The following EYS variants were observed in gnomAD, a reference collection of about 807,000 sequenced individuals.
EYS encodes protein eyes shut homolog.
Under a neutral mutation model 282.1 loss-of-function variants are expected in EYS, and 250 were observed. That is an observed-to-expected ratio of 0.89 (90% CI 0.80 to 0.98). The LOEUF (loss-of-function observed/expected upper bound fraction) is 0.98. Ranked by LOEUF, EYS falls within the 50% of genes least tolerant of loss-of-function variation. EYS has a pLI of 0.00. For missense variants in EYS, 4,016 were observed against 3,709.0 expected (o/e 1.08, Z -2.15); for synonymous variants, 1,355 against 1,282.9 (o/e 1.06, Z -1.20).
At chr6:65,130,211 C>T (rs77332505) in intron 12 of EYS, among the ~76,000 whole-genome samples, 4,610 of 151,754 alleles carry the variant, frequency 0.03, 95 homozygotes, top group Non-Finnish European at 0.045. Context: ...GAGTACTATG[C>T]TCAGTACCTT....
At chr6:64,338,291 C>A (rs1000962045) in intron 29 of EYS, among the ~76,000 whole-genome samples, 1 of 151,846 alleles carries the variant, frequency 6.6e-6, no homozygotes, top group African/African-American at 2.4e-5. Context: ...TTTCTGGATA[C>A]AAGATTAGTT....
At chr6:64,699,466 A>C (rs1052013693) in intron 22 of EYS, among the ~76,000 whole-genome samples, 8 of 152,080 alleles carry the variant, frequency 5.3e-5, no homozygotes, top group African/African-American at 1.7e-4. Context: ...ATGTACCCCC[A>C]AACTTAAAAT....
intron 2 of EYS, among the ~76,000 whole-genome samples, chr6:65,617,490 G>A (rs1435905310): frequency 6.6e-6 from 1 of 151,732 alleles, no homozygotes; most frequent in Non-Finnish European, 1.5e-5. Flanking sequence ...AATGAGACCT[G>A]AATTAAAATT....
intron 12 of EYS, among the ~76,000 whole-genome samples, chr6:65,126,647 A>G (rs1306868953): frequency 6.6e-6 from 1 of 152,204 alleles, no homozygotes; most frequent in East Asian, 1.9e-4. Flanking sequence ...GCACCCCTTC[A>G]GGATTCTTAT....
At chr6:65,060,344 T>G (rs1773532617) in intron 12 of EYS, among the ~76,000 whole-genome samples, 1 of 151,856 alleles carries the variant, frequency 6.6e-6, no homozygotes, top group Non-Finnish European at 1.5e-5. Context: ...TATACACCCA[T>G]AGGGAAACTT....
chr6:65,053,217 C>G (rs1773323376), intron 13 of EYS, among the ~76,000 whole-genome samples: 1 of 151,722 alleles, frequency 6.6e-6, no homozygotes, highest in Admixed American at 6.6e-5. Context: ...AACGTAACTT[C>G]TATAAATGGC....
chr6:64,453,982 A>T (rs1234615576), intron 26 of EYS, among the ~76,000 whole-genome samples: 1 of 152,156 alleles, frequency 6.6e-6, no homozygotes, highest in East Asian at 1.9e-4. Context: ...CGTTGTGCAC[A>T]TGTACCCTAA....
chr6:64,560,448 GA>G (rs1174290949), intron 26 of EYS, among the ~76,000 whole-genome samples: 1 of 151,938 alleles, frequency 6.6e-6, no homozygotes, highest in Non-Finnish European at 1.5e-5. Flanking sequence ...TGGCTTTAAA[GA>G]AAAGTTCCAT....
intron 31 of EYS, among the ~76,000 whole-genome samples, chr6:64,101,326 T>A (rs1356504039): frequency 6.6e-6 from 1 of 152,080 alleles, no homozygotes; most frequent in East Asian, 1.9e-4. Context: ...CAGCACCATC[T>A]CTCTCAATTA....
intron 22 of EYS, among the ~76,000 whole-genome samples, chr6:64,776,787 C>T (rs1222386984): frequency 6.6e-6 from 1 of 152,048 alleles, no homozygotes; most frequent in Non-Finnish European, 1.5e-5. Flanking sequence ...ATAGTTGACA[C>T]TTGCTGAAAA....
intron 35 of EYS, among the ~76,000 whole-genome samples, chr6:63,947,188 G>A (rs147791809): frequency 6.6e-6 from 1 of 151,994 alleles, no homozygotes; most frequent in Non-Finnish European, 1.5e-5. Context: ...TGGTAGCTGA[G>A]AGTTTGCCTG....
intron 22 of EYS, among the ~76,000 whole-genome samples, chr6:64,676,609 T>C (rs1769695105): frequency 6.6e-6 from 1 of 152,168 alleles, no homozygotes; most frequent in South Asian, 2.1e-4. Flanking sequence ...TGTATATATA[T>C]GTTGTCTTAG....
At chr6:64,679,983 T>G (rs2149903405) in intron 22 of EYS, among the ~76,000 whole-genome samples, 1 of 152,250 alleles carries the variant, frequency 6.6e-6, no homozygotes, top group South Asian at 2.1e-4. Flanking sequence ...CAGGCCAAAT[T>G]TTTACATAGG....
chr6:64,373,359 C>A (rs1772452725), intron 29 of EYS, among the ~76,000 whole-genome samples: 1 of 152,252 alleles, frequency 6.6e-6, no homozygotes, highest in East Asian at 1.9e-4. Context: ...GTCTCCATGC[C>A]CACATTTCTT....
At position 64,864,385 on chromosome 6, in the gene EYS, C is replaced by CTTTTTTTTTTTTT. The variant is rs769240399; in HGVS notation, c.2992+22299_2992+22311dup. Among the ~76,000 whole-genome samples, 81 of 57,186 alleles carry CTTTTTTTTTTTTT rather than the reference C, an allele frequency of 1.4e-3. 16 individuals are homozygous for CTTTTTTTTTTTTT. Among genetic ancestry groups the CTTTTTTTTTTTTT allele is most frequent in the South Asian group, 3.5e-3 (5 of 1,448 alleles). 37.5% of individuals were successfully genotyped at this position (57,186 alleles called of 152,430 possible). A position where few individuals can be genotyped will look rare whatever the true frequency, so the allele number is the denominator to read the frequency against. On this transcript the variant is annotated intron_variant, in intron 19 of 42. Coordinates refer to ENST00000503581, the MANE Select transcript of EYS (RefSeq NM_001142800.2). ...GAGAAATACAGAGGTGCTATACCTTCTTTTTTTTTTTTTTTTTTTTTGACA... is the reference window on the plus strand; with the variant it reads ...GAGAAATACAGAGGTGCTATACCTTCTTTTTTTTTTTTTTTTTTTTTTTTTTTTTTTTTTGACA...
chr6:64,187,822 G>C (rs979560471), intron 31 of EYS, among the ~76,000 whole-genome samples: 2 of 151,000 alleles, frequency 1.3e-5, no homozygotes, highest in African/African-American at 4.8e-5. Context: ...AAAGTAATTA[G>C]ACAGATTTTT....
In EYS at chr6:65,473,962, T is replaced by C. The variant is rs114446522; in HGVS notation, c.862+16632A>G. On this transcript the variant is annotated intron_variant, in intron 5 of 42. Transcript: ENST00000503581. ...GGTTCTTGGGACTTTTGTGGATGAG[T>C]TGCTACATTAAAGTGGTTGTGATTT... Among the ~76,000 whole-genome samples, 1,013 of 151,920 alleles carry C rather than the reference T, an allele frequency of 6.7e-3. 10 individuals are homozygous for C. Among genetic ancestry groups the C allele is most frequent in the African/African-American group, 0.023 (964 of 41,464 alleles).
intron 35 of EYS, among the ~76,000 whole-genome samples, chr6:63,866,548 G>A (rs968083068): frequency 2.6e-5 from 4 of 152,188 alleles, no homozygotes; most frequent in Non-Finnish European, 4.4e-5. Context: ...TGAAAACCAA[G>A]GAAAGCACTA....
At chr6:65,387,754 T>C (rs1765855813) in intron 7 of EYS, among the ~76,000 whole-genome samples, 1 of 151,994 alleles carries the variant, frequency 6.6e-6, no homozygotes, top group Non-Finnish European at 1.5e-5. Context: ...CACTTGTTTG[T>C]AAACTTGGAA....
Sources: allele counts gnomAD v4.1 joint callset (sites outside exome capture counted in the v4.1 genomes callset), GRCh38; gene constraint gnomAD v4.1.1; transcripts MANE v1.5; gene names NCBI Gene and HGNC (gene_info 2026-07-23, HGNC 2026-07-21).